MOB3B: variants seen among roughly 807,000 people sequenced by gnomAD.
MOB3B encodes MOB kinase activator 3B.
In MOB3B, 7 loss-of-function variants were observed where a neutral mutation model predicts 18.7. The observed-to-expected ratio is 0.37, with a 90% CI of 0.21 to 0.70. The LOEUF (loss-of-function observed/expected upper bound fraction) is 0.70. MOB3B is among the 30% of genes least tolerant of loss of function. MOB3B has a pLI of 0.52. For synonymous variants in MOB3B, 111 were observed against 99.9 expected (o/e 1.11, Z -0.66); for missense variants, 253 against 281.3 (o/e 0.90, Z 0.72).
chr9:27,528,396 C>G lies in MOB3B; in HGVS notation c.-199+1159G>C, dbSNP rs188271773. On this transcript the variant is annotated intron_variant, in intron 1 of 3. Transcript: ENST00000262244. ...GGGGCGGAACGCGCTTCCACTGTCT[C>G]GAAAGCAGCACCTTCTCGGATTTGA... Among the ~76,000 whole-genome samples, 97 of 152,394 alleles carry G rather than the reference C, an allele frequency of 6.4e-4. 2 individuals carry two copies. In the East Asian group the frequency reaches 0.015, roughly 23 times the overall value.
chr9:27,442,322 C>T (rs1822606671), intron 2 of MOB3B, among the ~76,000 whole-genome samples: 2 of 152,192 alleles, frequency 1.3e-5, no homozygotes, highest in Admixed American at 1.3e-4. Context: ...TTAAATCTTA[C>T]AGCATCCTAA....
rs117437476 is a variant in MOB3B at position 27,496,965 on chromosome 9, G to A, written c.-199+32590C>T. 2.2e-3 allele frequency among the ~76,000 whole-genome samples: 331 copies of A among 152,232 alleles called. 3 individuals are homozygous for A. Among genetic ancestry groups the A allele is most frequent in the Middle Eastern group, 6.8e-3 (2 of 294 alleles). The stretch of plus-strand genomic sequence containing the variant: ...TGTTAATTAAAACGATGGTTAATAT[G>A]GCCCACACTTTTCCCAAACATTTTC... On this transcript the variant is annotated intron_variant, in intron 1 of 3. Transcript: ENST00000262244.
intron 2 of MOB3B, among the ~76,000 whole-genome samples, chr9:27,413,238 G>A (rs181053250): frequency 6.6e-6 from 1 of 152,078 alleles, no homozygotes; most frequent in African/African-American, 2.4e-5. Flanking sequence ...CAGAGAGGTC[G>A]GGGGCAAAGG....
chr9:27,489,192 C>T (rs1819776654), intron 1 of MOB3B, among the ~76,000 whole-genome samples: 1 of 152,236 alleles, frequency 6.6e-6, no homozygotes, highest in South Asian at 2.1e-4. Flanking sequence ...TTTACTTCTC[C>T]TAGTCCGTCT....
Position 27,455,435 on chromosome 9 carries a change from T to A in MOB3B, c.116A>T (p.Asn39Ile). The A allele has an allele frequency of 6.2e-7, 1 of 1,614,156 alleles. No homozygotes were observed. Among genetic ancestry groups the A allele is most frequent in the East Asian group, 2.2e-5 (1 of 44,882 alleles). Residue 39 changes from asparagine (N) to isoleucine (I), a missense_variant, in exon 2 of 4, where the codon AAC becomes ATC. By Grantham distance (149) the Asn-to-Ile change is moderately radical (BLOSUM62 -3). Coordinates refer to ENST00000262244, the MANE Select transcript of MOB3B (RefSeq NM_024761.5). Reference sequence around the variant, plus strand: ...AGCCGCCTTCAGGTCCACACCCGAGTTGAGGGATGCCTGAGCCCGTTTGTG... The same window carrying A: ...AGCCGCCTTCAGGTCCACACCCGAGATGAGGGATGCCTGAGCCCGTTTGTG... The part of the protein sequence containing the change: ...ELHKRAQASL[N>I]SGVDLKAAVQ...
At chr9:27,508,354 G>C (rs1335110665) in intron 1 of MOB3B, among the ~76,000 whole-genome samples, 2 of 152,242 alleles carry the variant, frequency 1.3e-5, no homozygotes, top group South Asian at 2.1e-4. Context: ...GGGTTGTTCA[G>C]AGTCTTTTTC....
intron 1 of MOB3B, among the ~76,000 whole-genome samples, chr9:27,481,801 A>T (rs949183710): frequency 2.0e-5 from 3 of 152,136 alleles, no homozygotes; most frequent in African/African-American, 7.2e-5. Context: ...CAAGGATTAC[A>T]GGCGTGAGCC....
intron 1 of MOB3B, among the ~76,000 whole-genome samples, chr9:27,515,080 C>A (rs1284055878): frequency 6.6e-6 from 1 of 152,152 alleles, no homozygotes; most frequent in Non-Finnish European, 1.5e-5. Context: ...ATTATATTAT[C>A]TCTTTGCTTG....
intron 3 of MOB3B, among the ~76,000 whole-genome samples, chr9:27,340,934 T>C (rs928676707): frequency 2.0e-5 from 3 of 152,242 alleles, no homozygotes; most frequent in Admixed American, 1.3e-4. Context: ...CAGATGCTGC[T>C]GCTGCCCCTT....
intron 1 of MOB3B, among the ~76,000 whole-genome samples, chr9:27,507,599 A>T (rs957597755): frequency 6.6e-6 from 1 of 152,216 alleles, no homozygotes; most frequent in Non-Finnish European, 1.5e-5. Context: ...CATTCAGTAC[A>T]TGGAATTTAA....
intron 1 of MOB3B, among the ~76,000 whole-genome samples, chr9:27,470,097 G>C (rs1170151679): frequency 7.9e-6 from 1 of 126,334 alleles, no homozygotes; most frequent in East Asian, 2.4e-4. Context: ...CACAGAGTGA[G>C]ACCCTGTCTC....
chr9:27,437,720 T>C (rs1337834777), intron 2 of MOB3B, among the ~76,000 whole-genome samples: 1 of 152,180 alleles, frequency 6.6e-6, no homozygotes, highest in Non-Finnish European at 1.5e-5. Context: ...AGCTATACAA[T>C]AGAAGCGAGA....
intron 1 of MOB3B, among the ~76,000 whole-genome samples, chr9:27,504,632 A>C (rs1160792078): frequency 6.6e-6 from 1 of 152,222 alleles, no homozygotes; most frequent in Non-Finnish European, 1.5e-5. Flanking sequence ...GACCTCCTTG[A>C]CTATCAGAGT....
chr9:27,357,121 AATAT>A lies in MOB3B; in HGVS notation c.621+1909_621+1912del, dbSNP rs56064443. On this transcript the variant is annotated intron_variant, in intron 3 of 3. Coordinates refer to ENST00000262244, the MANE Select transcript of MOB3B (RefSeq NM_024761.5). The stretch of plus-strand genomic sequence containing the variant: ...TGTTCCAGGACTACTGAGTAATGCA[AATAT>A]ATATATATATATATATATATGTGTT... Among the ~76,000 whole-genome samples, 103 of 62,916 alleles carry A rather than the reference AATAT, an allele frequency of 1.6e-3. 4 individuals are homozygous for A. Among genetic ancestry groups the A allele is most frequent in the African/African-American group, 4.9e-3 (100 of 20,566 alleles). The allele number at this position is 62,916 out of a possible 152,430, so 41.3% of individuals were successfully genotyped here. A position where few individuals can be genotyped will look rare whatever the true frequency, so the allele number is the denominator to read the frequency against.
chr9:27,401,805 C>T (rs982298752), intron 2 of MOB3B, among the ~76,000 whole-genome samples: 1 of 152,210 alleles, frequency 6.6e-6, no homozygotes, highest in Non-Finnish European at 1.5e-5. Context: ...GGCAAACATA[C>T]TGATCTGTCT....
chr9:27,332,008 T>G (rs747221662), intron 3 of MOB3B, among the ~76,000 whole-genome samples: 29 of 152,230 alleles, frequency 1.9e-4, no homozygotes, highest in Non-Finnish European at 2.6e-4. Flanking sequence ...TTTTTCAATT[T>G]TTAATTTTTT....
chr9:27,383,739 G>A lies in MOB3B; in HGVS notation c.419-24503C>T, dbSNP rs546654169. Among the ~76,000 whole-genome samples, 5 of 152,248 alleles carry A rather than the reference G, an allele frequency of 3.3e-5. No individual in the cohort carries two copies. The South Asian group carries it at 1.0e-3, about 32-fold the overall frequency. The stretch of plus-strand genomic sequence containing the variant: ...AGAGATCTATGTAAATACATTTCCT[G>A]TTCAGGTGCTAGCACACTGCATTGT... On this transcript the variant is annotated intron_variant, in intron 2 of 3. Transcript: ENST00000262244.
At chr9:27,502,657 T>A (rs1282281874) in intron 1 of MOB3B, among the ~76,000 whole-genome samples, 1 of 152,188 alleles carries the variant, frequency 6.6e-6, no homozygotes. Flanking sequence ...CTTTTCTGGC[T>A]TCAGAATCTT....
At chr9:27,342,813 C>T (rs1007227537) in intron 3 of MOB3B, among the ~76,000 whole-genome samples, 20 of 151,558 alleles carry the variant, frequency 1.3e-4, no homozygotes, top group Non-Finnish European at 2.8e-4. Context: ...TCTCCGCTCG[C>T]TACAACCTCC....
Sources: gnomAD v4.1 joint callset for allele counts (sites outside exome capture counted in the v4.1 genomes callset) on GRCh38, gnomAD v4.1.1 for gene constraint, MANE v1.5 for transcripts, NCBI Gene and HGNC (gene_info 2026-07-23, HGNC 2026-07-21) for gene names.